Variants in PRDM1 observed in about 807,000 individuals in gnomAD.
PRDM1 encodes PR/SET domain 1.
PRDM1 carries 13 observed loss-of-function variants against 62.8 expected under a neutral mutation model. The observed-to-expected ratio is 0.21, with a 90% CI of 0.13 to 0.33. PRDM1 has a LOEUF of 0.33. PRDM1 is among the 10% of genes least tolerant of loss of function. The pLI is 1.00. For synonymous variants in PRDM1, 396 were observed against 417.6 expected (o/e 0.95, Z 0.63); for missense variants, 895 against 1,058.8 (o/e 0.85, Z 2.15).
chr6:106,083,798 A>G (rs921457550), upstream of PRDM1, among the ~76,000 whole-genome samples: 11 of 152,348 alleles, frequency 7.2e-5, no homozygotes, highest in African/African-American at 2.6e-4. Context: ...GCACCAAGTT[A>G]TTACTTAGAA....
intron 1 of PRDM1, among the ~76,000 whole-genome samples, chr6:106,030,996 C>CTTTTTTTTTTT: frequency 7.4e-6 from 1 of 135,314 alleles, no homozygotes; most frequent in Non-Finnish European, 1.6e-5. Flanking sequence ...TGTATTCTCT[C>CTTTTTTTTTTT]TTTTTTTTTT....
Position 106,107,156 on chromosome 6 carries a change from T to C in PRDM1, c.2148T>C (p.Pro716=). ...GGAACTGCGCTGCGGCCCCGGCGCC[T>C]GGGCTGCCCTTGGAAGATCTGACCC... The part of the protein sequence containing the change: ...LKGNCAAAPA[P]GLPLEDLTRI... The change falls in exon 7 of 7, where the codon CCT becomes CCC. Residue 716 remains proline, a synonymous_variant. Coordinates refer to ENST00000369096, the MANE Select transcript of PRDM1 (RefSeq NM_001198.4). The C allele has an allele frequency of 6.2e-7, 1 of 1,614,202 alleles. No homozygotes were observed. Among genetic ancestry groups the C allele is most frequent in the South Asian group, 1.1e-5 (1 of 91,076 alleles).
intron 1 of PRDM1, among the ~76,000 whole-genome samples, chr6:106,029,951 C>T (rs1020139348): frequency 2.6e-5 from 4 of 152,140 alleles, no homozygotes; most frequent in African/African-American, 9.7e-5. Flanking sequence ...TCCCTCATGA[C>T]TAATGATGTT....
chr6:106,071,784 G>T (rs1423789126), intron 1 of PRDM1, among the ~76,000 whole-genome samples: 4 of 151,724 alleles, frequency 2.6e-5, no homozygotes, highest in South Asian at 2.1e-4. Context: ...TATTTTCTTT[G>T]CTTGGAAGGG....
Position 106,105,138 on chromosome 6 carries a change from C to T in PRDM1, c.978C>T (p.Arg326=), listed in dbSNP as rs1774419562. ...TCGAGAGACCCACGTACATCACTCG[C>T]TCCCCCATTCCATCCTCCACCACTC... ...YGIERPTYIT[R]SPIPSSTTPS... Residue 326 remains arginine, a synonymous_variant, in exon 5 of 7, where the codon CGC becomes CGT. Transcript: ENST00000369096. The T allele has an allele frequency of 1.2e-6, 2 of 1,613,226 alleles. No homozygotes were observed. Among genetic ancestry groups the T allele is most frequent in the African/African-American group, 2.7e-5 (2 of 74,976 alleles).
chr6:106,104,028 A>G (rs996297872), intron 4 of PRDM1, among the ~76,000 whole-genome samples: 2 of 152,226 alleles, frequency 1.3e-5, no homozygotes, highest in Non-Finnish European at 2.9e-5. Flanking sequence ...TTCGTATTCA[A>G]CAAGAGTAGA....
chr6:106,045,608 A>C (rs778773101), upstream of PRDM1: 1 of 152,250 alleles, frequency 6.6e-6, no homozygotes, highest in Non-Finnish European at 1.5e-5. Context: ...AAATATTTTC[A>C]GTAAAAACCT....
At chr6:106,048,216 CAAAAAA>C (rs71006668), upstream of PRDM1, among the ~76,000 whole-genome samples, 1,874 of 110,208 alleles carry the variant, frequency 0.017, 14 homozygotes, top group Non-Finnish European at 0.022. Flanking sequence ...CCATCTCTAC[CAAAAAA>C]AAAAAAAAAA....
intron 1 of PRDM1, among the ~76,000 whole-genome samples, chr6:106,034,727 G>A (rs892379478): frequency 4.8e-5 from 7 of 144,424 alleles, no homozygotes; most frequent in African/African-American, 1.8e-4. Flanking sequence ...CACCTCCCGG[G>A]TTCAAGTGAT....
At chr6:106,089,403 A>G (rs1189355957) in intron 2 of PRDM1, among the ~76,000 whole-genome samples, 1 of 152,134 alleles carries the variant, frequency 6.6e-6, no homozygotes, top group African/African-American at 2.4e-5. Context: ...AGAATTTGCT[A>G]CTGGGACTAT....
chr6:106,007,025 G>A (rs939066550), intron 1 of PRDM1, among the ~76,000 whole-genome samples: 2 of 151,860 alleles, frequency 1.3e-5, no homozygotes, highest in Non-Finnish European at 2.9e-5. Context: ...TTGGGGCTTG[G>A]TCACTATCAC....
At chr6:106,081,544 G>A (rs1236764945), upstream of PRDM1, among the ~76,000 whole-genome samples, 2 of 152,138 alleles carry the variant, frequency 1.3e-5, no homozygotes, top group African/African-American at 4.8e-5. Flanking sequence ...GTGTAGAAGG[G>A]GATATATGGT....
chr6:106,073,992 C>G, intron 1 of PRDM1, among the ~76,000 whole-genome samples: 1 of 152,044 alleles, frequency 6.6e-6, no homozygotes, highest in Non-Finnish European at 1.5e-5. Context: ...GGGAGCCATG[C>G]AAAATTTGGG....
At chr6:106,056,089 A>G (rs1773261800) in intron 1 of PRDM1, among the ~76,000 whole-genome samples, 1 of 152,216 alleles carries the variant, frequency 6.6e-6, no homozygotes, top group South Asian at 2.1e-4. Context: ...AAATCCTTTC[A>G]GGTTAAGAAT....
At chr6:106,050,981 C>T (rs932443251) in intron 1 of PRDM1, among the ~76,000 whole-genome samples, 7 of 152,282 alleles carry the variant, frequency 4.6e-5, no homozygotes, top group African/African-American at 1.7e-4. Context: ...GGAAAAGGTA[C>T]ATCCAGAAAA....
chr6:106,001,868 AT>A (rs1218665484), intron 1 of PRDM1, among the ~76,000 whole-genome samples: 1 of 152,208 alleles, frequency 6.6e-6, no homozygotes, highest in Non-Finnish European at 1.5e-5. Context: ...GGAAAACATT[AT>A]AAAAAGTATT....
intron 1 of PRDM1, among the ~76,000 whole-genome samples, chr6:106,063,669 G>A (rs76508946): frequency 6.6e-6 from 1 of 152,282 alleles, no homozygotes; most frequent in African/African-American, 2.4e-5. Flanking sequence ...ACGACATGCT[G>A]AATCAAGTTC....
At chr6:106,068,085 G>A (rs1773460408) in intron 1 of PRDM1, among the ~76,000 whole-genome samples, 1 of 151,230 alleles carries the variant, frequency 6.6e-6, no homozygotes, top group African/African-American at 2.4e-5. Flanking sequence ...ACACACTCCA[G>A]CCACCCTGTT....
intron 3 of PRDM1, chr6:106,098,692 C>A: frequency 7.3e-7 from 1 of 1,370,742 alleles, no homozygotes; most frequent in South Asian, 1.2e-5. Context: ...TGAAGTTCAC[C>A]TTTGCCCCAC....
Sources: allele counts gnomAD v4.1 joint callset (sites outside exome capture counted in the v4.1 genomes callset), GRCh38; gene constraint gnomAD v4.1.1; transcripts MANE v1.5; gene names NCBI Gene and HGNC (gene_info 2026-07-23, HGNC 2026-07-21).